RARB: variants seen among roughly 807,000 people sequenced by gnomAD.
RARB encodes the protein retinoic acid receptor beta.
RARB carries 17 observed loss-of-function variants against 51.9 expected under a neutral mutation model. The observed-to-expected ratio is 0.33, with a 90% CI of 0.22 to 0.49. The LOEUF is 0.49. Among genes scored for constraint, RARB ranks in the 20% least tolerant of loss-of-function variants. RARB has a pLI of 0.99. For missense variants in RARB, 369 were observed against 550.8 expected (o/e 0.67, Z 3.30); for synonymous variants, 215 against 195.4 (o/e 1.10, Z -0.84).
At chr3:24,893,706 G>A (rs1384633477) in intron 2 of RARB, among the ~76,000 whole-genome samples, 1 of 148,280 alleles carries the variant, frequency 6.7e-6, no homozygotes, top group Admixed American at 6.7e-5. Context: ...TTTTAATTTT[G>A]TAGAGATGGG....
intron 2 of RARB, among the ~76,000 whole-genome samples, chr3:25,043,815 A>T (rs1698160212): frequency 6.6e-6 from 1 of 152,142 alleles, no homozygotes; most frequent in Admixed American, 6.5e-5. Flanking sequence ...CCATGGTAGG[A>T]GGTTAGACAT....
intron 5 of RARB, among the ~76,000 whole-genome samples, chr3:25,304,150 T>C (rs1004602741): frequency 6.6e-6 from 1 of 152,136 alleles, no homozygotes; most frequent in Non-Finnish European, 1.5e-5. Flanking sequence ...CACACTCCCA[T>C]TCCATCCCTA....
intron 3 of RARB, among the ~76,000 whole-genome samples, chr3:25,123,726 T>G (rs910144582): frequency 6.6e-6 from 1 of 152,206 alleles, no homozygotes; most frequent in Admixed American, 6.5e-5. Context: ...ATTATTTTGC[T>G]GCCTATTTTT....
chr3:25,499,729 G>A (rs1339689322), intron 2 of RARB, among the ~76,000 whole-genome samples: 1 of 152,116 alleles, frequency 6.6e-6, no homozygotes, highest in Non-Finnish European at 1.5e-5. Flanking sequence ...TGACAAAGCT[G>A]GTTTAAAGGA....
chr3:24,969,699 C>T (rs1696351161), intron 2 of RARB, among the ~76,000 whole-genome samples: 1 of 152,076 alleles, frequency 6.6e-6, no homozygotes, highest in South Asian at 2.1e-4. Context: ...ATTACTATTT[C>T]TTCACTAAGC....
At chr3:25,232,541 C>A (rs1435329792) in intron 5 of RARB, among the ~76,000 whole-genome samples, 1 of 151,958 alleles carries the variant, frequency 6.6e-6, no homozygotes, top group Non-Finnish European at 1.5e-5. Flanking sequence ...TTTTTTATTT[C>A]TTTGGCCAAC....
chr3:25,219,265 T>TG (rs563840541), intron 5 of RARB, among the ~76,000 whole-genome samples: 4 of 148,876 alleles, frequency 2.7e-5, no homozygotes, highest in Non-Finnish European at 6.0e-5. Context: ...ACCTCTAGGT[T>TG]AAAAAAAAAA....
chr3:25,210,693 C>A (rs1412306000), intron 5 of RARB, among the ~76,000 whole-genome samples: 2 of 151,506 alleles, frequency 1.3e-5, no homozygotes, highest in Admixed American at 1.3e-4. Flanking sequence ...CACCACCATG[C>A]CTTGCTAAGT....
chr3:25,073,918 A>G (rs1454548376), intron 3 of RARB, among the ~76,000 whole-genome samples: 2 of 152,228 alleles, frequency 1.3e-5, no homozygotes, highest in Non-Finnish European at 2.9e-5. Context: ...AAGTATGTCA[A>G]AGTATGAGAC....
At chr3:25,247,116 C>T (rs951529446) in intron 5 of RARB, among the ~76,000 whole-genome samples, 1 of 152,192 alleles carries the variant, frequency 6.6e-6, no homozygotes, top group African/African-American at 2.4e-5. Flanking sequence ...GCTTCATTTA[C>T]ACTGCGAGGG....
At chr3:25,488,981 A>G (rs946425961) in intron 2 of RARB, among the ~76,000 whole-genome samples, 10 of 152,202 alleles carry the variant, frequency 6.6e-5, no homozygotes, top group African/African-American at 2.4e-4. Context: ...AAAGTCAGGT[A>G]TGAAATGGAA....
chr3:25,189,488 CA>C (rs779729473), intron 5 of RARB, among the ~76,000 whole-genome samples: 3 of 152,210 alleles, frequency 2.0e-5, no homozygotes, highest in African/African-American at 7.2e-5. Flanking sequence ...AGGAAAAGGC[CA>C]AAATGTTCCC....
intron 2 of RARB, among the ~76,000 whole-genome samples, chr3:24,865,904 CTT>C: frequency 1.3e-5 from 2 of 152,138 alleles, no homozygotes; most frequent in East Asian, 3.9e-4. Context: ...ACTTGTGAAA[CTT>C]TTATTTTTAT....
chr3:25,157,007 C>T (rs1040064281), intron 4 of RARB, among the ~76,000 whole-genome samples: 11 of 152,124 alleles, frequency 7.2e-5, no homozygotes, highest in African/African-American at 1.9e-4. Flanking sequence ...CACGTTCATA[C>T]GTTTGTCATT....
intron 5 of RARB, among the ~76,000 whole-genome samples, chr3:25,210,529 C>CTTTTTTTTTTT (rs773846113): frequency 3.6e-5 from 1 of 27,634 alleles, no homozygotes; most frequent in African/African-American, 9.1e-5. Flanking sequence ...TTATCTGATT[C>CTTTTTTTTTTT]TTTTTTTTTT....
At chr3:24,937,220 T>C (rs59570870) in intron 2 of RARB, among the ~76,000 whole-genome samples, 24,526 of 152,178 alleles carry the variant, frequency 0.16, 2,210 homozygotes, top group Non-Finnish European at 0.21. Context: ...TTTTGCTCTT[T>C]TATCTTTTCC....
chr3:25,516,310 A>G (rs1698157233), intron 3 of RARB, among the ~76,000 whole-genome samples: 1 of 152,238 alleles, frequency 6.6e-6, no homozygotes, highest in Non-Finnish European at 1.5e-5. Context: ...GTTATTGCTA[A>G]GTGTTAAATT....
intron 2 of RARB, among the ~76,000 whole-genome samples, chr3:24,926,918 G>C (rs1185106582): frequency 6.6e-6 from 1 of 152,012 alleles, no homozygotes; most frequent in East Asian, 1.9e-4. Flanking sequence ...GAAAAGACTA[G>C]TTTGAGTGTT....
intron 1 of RARB, among the ~76,000 whole-genome samples, chr3:25,444,467 T>G (rs1370358865): frequency 1.3e-5 from 2 of 152,220 alleles, no homozygotes; most frequent in Admixed American, 1.3e-4. Context: ...CAATTCCTTT[T>G]TATGTCCTAA....
Sources: allele counts gnomAD v4.1 joint callset (sites outside exome capture counted in the v4.1 genomes callset), GRCh38; gene constraint gnomAD v4.1.1; transcripts MANE v1.5; gene names NCBI Gene and HGNC (gene_info 2026-07-23, HGNC 2026-07-21).